The following MAN1A2 variants were observed in gnomAD, a reference collection of about 807,000 sequenced individuals.
MAN1A2 encodes mannosyl-oligosaccharide 1,2-alpha-mannosidase IB.
A neutral mutation model predicts 75.7 loss-of-function variants in MAN1A2; 26 were observed. The observed-to-expected ratio is 0.34, with a 90% CI of 0.25 to 0.48. The LOEUF is 0.48. Among genes scored for constraint, MAN1A2 ranks in the 20% least tolerant of loss-of-function variants. The pLI is 0.99. For synonymous variants in MAN1A2, 247 were observed against 264.6 expected, an observed-to-expected ratio of 0.93 and a Z score of 0.65; for missense variants, 562 against 775.5, an observed-to-expected ratio of 0.72 and a Z score of 3.27.
chr1:117,446,072 G>C (rs1437238753), intron 6 of MAN1A2, among the ~76,000 whole-genome samples: 2 of 150,036 alleles, frequency 1.3e-5, no homozygotes, highest in African/African-American at 4.9e-5. Context: ...AGAAAATTTG[G>C]TGTAAAGTCG....
chr1:117,433,917 G>A (rs185877967), intron 5 of MAN1A2, among the ~76,000 whole-genome samples: 3 of 152,140 alleles, frequency 2.0e-5, no homozygotes, highest in Admixed American at 6.5e-5. Context: ...AAGAAAGGCC[G>A]TGTTGCTTAC....
At chr1:117,411,974 A>G (rs1570721822) in intron 3 of MAN1A2, among the ~76,000 whole-genome samples, 2 of 151,792 alleles carry the variant, frequency 1.3e-5, no homozygotes, top group African/African-American at 4.8e-5. Context: ...TTGCTCACAA[A>G]TGAGATCAGG....
At chr1:117,454,862 A>G (rs1649530580) in intron 6 of MAN1A2, among the ~76,000 whole-genome samples, 2 of 152,140 alleles carry the variant, frequency 1.3e-5, no homozygotes, top group Non-Finnish European at 2.9e-5. Flanking sequence ...AAGTGGTATA[A>G]TATATAAAGG....
At chr1:117,460,763 A>G (rs1457247423) in intron 7 of MAN1A2, 151 bp downstream of exon 7, 2 of 887,508 alleles carry the variant, frequency 2.3e-6, no homozygotes, top group Non-Finnish European at 3.1e-6. Flanking sequence ...TTACTCAAAG[A>G]AATGTCCTTT....
intron 1 of MAN1A2, among the ~76,000 whole-genome samples, chr1:117,397,250 A>AT (rs1653931406): frequency 6.6e-6 from 1 of 152,188 alleles, no homozygotes; most frequent in Non-Finnish European, 1.5e-5. Context: ...GATTATTTAG[A>AT]TTTTCAAAAT....
intron 11 of MAN1A2, among the ~76,000 whole-genome samples, chr1:117,502,425 T>C (rs958593671): frequency 2.0e-5 from 3 of 151,734 alleles, no homozygotes; most frequent in Admixed American, 6.6e-5. Context: ...AGAGTGCTCC[T>C]AAGTAATATT....
intron 5 of MAN1A2, among the ~76,000 whole-genome samples, chr1:117,421,226 A>C (rs1162380422): frequency 6.6e-6 from 1 of 152,094 alleles, no homozygotes; most frequent in Non-Finnish European, 1.5e-5. Context: ...GAGAAAGAGA[A>C]ACTAAAGGAA....
At chr1:117,381,074 TC>T (rs1653318751) in intron 1 of MAN1A2, among the ~76,000 whole-genome samples, 4 of 152,172 alleles carry the variant, frequency 2.6e-5, no homozygotes, top group Non-Finnish European at 5.9e-5. Context: ...TGTTTTACCT[TC>T]TTCATTAAAT....
chr1:117,380,829 G>A (rs1043251589), intron 1 of MAN1A2, among the ~76,000 whole-genome samples: 31 of 152,084 alleles, frequency 2.0e-4, no homozygotes, highest in Admixed American at 1.3e-3. Flanking sequence ...TTTCAAAATT[G>A]CTTTGGCTAT....
chr1:117,417,706 A>ACACACACT lies in MAN1A2; in HGVS notation c.775-2862_775-2861insACACACTC, dbSNP rs1553232820. Among the ~76,000 whole-genome samples the ACACACACT allele has an allele frequency of 5.7e-3, 818 of 143,564 alleles. 5 individuals are homozygous for ACACACACT. The highest frequency in any genetic ancestry group is 9.2e-3 in the Non-Finnish European group (603 of 65,348). The allele number at this position is 143,564 out of a possible 152,430, so 94.2% of individuals were successfully genotyped here. ...AGTAGGCGTGCACACACACACACAC[A>ACACACACT]CTCTCTCTCTCTCTCTCTCTCTCTC... On this transcript the variant is annotated intron_variant, in intron 4 of 12. Coordinates refer to ENST00000356554, the MANE Select transcript of MAN1A2 (RefSeq NM_006699.5).
At chr1:117,478,047 G>A (rs1650377808) in intron 8 of MAN1A2, among the ~76,000 whole-genome samples, 1 of 151,980 alleles carries the variant, frequency 6.6e-6, no homozygotes. Context: ...GCTACAAAGA[G>A]AATAAAATAC....
At chr1:117,459,077 G>T (rs2101833742) in intron 6 of MAN1A2, among the ~76,000 whole-genome samples, 1 of 152,178 alleles carries the variant, frequency 6.6e-6, no homozygotes, top group African/African-American at 2.4e-5. Flanking sequence ...TGATCCTAAG[G>T]TCATCGCCAT....
intron 5 of MAN1A2, among the ~76,000 whole-genome samples, chr1:117,426,956 A>G (rs1648395847): frequency 6.6e-6 from 1 of 152,156 alleles, no homozygotes; most frequent in South Asian, 2.1e-4. Context: ...GATTCCAATT[A>G]TATACATATA....
At chr1:117,437,675 C>T (rs1648889290) in intron 5 of MAN1A2, among the ~76,000 whole-genome samples, 1 of 152,052 alleles carries the variant, frequency 6.6e-6, no homozygotes, top group African/African-American at 2.4e-5. Context: ...CATTTTATAT[C>T]AGTTTTTCTA....
chr1:117,405,629 C>G lies in MAN1A2; in HGVS notation c.639C>G (p.His213Gln). ...TCAGACCTATTGCAAGGAAAGGACA[C>G]TCCCCTAACATATTTGGTAAGTTTA... is the stretch of plus-strand genomic sequence containing the variant. ...NELRPIARKG[H>Q]SPNIFGSSQM... Residue 213 changes from histidine to glutamine, a missense_variant, in exon 3 of 13, where the codon CAC (histidine) becomes CAG (glutamine). By Grantham distance (24) the His-to-Gln change is conservative. This residue lies in a region of MAN1A2 where 434 missense variants were observed against 645.7 expected (regional missense o/e 0.67). Transcript: ENST00000356554. 1 of 1,589,966 alleles carries G rather than the reference C, an allele frequency of 6.3e-7. No individual in the cohort carries two copies. Among genetic ancestry groups the G allele is most frequent in the Non-Finnish European group, 8.6e-7 (1 of 1,158,204 alleles).
At chr1:117,450,881 G>A (rs886625033) in intron 6 of MAN1A2, among the ~76,000 whole-genome samples, 8 of 152,192 alleles carry the variant, frequency 5.3e-5, no homozygotes, top group African/African-American at 1.7e-4. Context: ...GCAGGGACAC[G>A]ACTCTCTCTC....
intron 1 of MAN1A2, among the ~76,000 whole-genome samples, chr1:117,381,247 A>G (rs1461494480): frequency 6.6e-6 from 1 of 152,130 alleles, no homozygotes; most frequent in Non-Finnish European, 1.5e-5. Context: ...CAGGTTAGTT[A>G]CATATGTATA....
chr1:117,489,493 G>T (rs1236511377), intron 8 of MAN1A2, among the ~76,000 whole-genome samples: 1 of 151,914 alleles, frequency 6.6e-6, no homozygotes, highest in African/African-American at 2.4e-5. Flanking sequence ...TTTTTTTGTT[G>T]TGTGTACCCT....
chr1:117,402,419 A>G lies in MAN1A2; in HGVS notation c.536A>G (p.Glu179Gly). 1 of 1,596,350 alleles carries G rather than the reference A, an allele frequency of 6.3e-7. No homozygotes were observed. Among genetic ancestry groups the G allele is most frequent in the Non-Finnish European group, 8.5e-7 (1 of 1,175,172 alleles). ...GGDPEDNDIR[E>G]KREKIKEMMK... Reference sequence around the variant, plus strand: ...GACCCAGAAGATAATGACATAAGAGAGAAAAGGGAAAAAATTAAAGAGGTA... The same window carrying G: ...GACCCAGAAGATAATGACATAAGAGGGAAAAGGGAAAAAATTAAAGAGGTA... The change falls in exon 2 of 13, where the codon GAG becomes GGG. Residue 179 changes from glutamate to glycine, a missense_variant. Glu to Gly is a moderately conservative substitution (Grantham distance 98). Transcript: ENST00000356554.
Sources: allele counts gnomAD v4.1 joint callset (sites outside exome capture counted in the v4.1 genomes callset), GRCh38; gene constraint gnomAD v4.1.1; regional missense constraint gnomAD v4.1.1; transcripts MANE v1.5; gene names NCBI Gene and HGNC (gene_info 2026-07-23, HGNC 2026-07-21).